ATL1: variants seen among roughly 807,000 people sequenced by gnomAD.
ATL1 encodes atlastin-1.
In ATL1, 31 loss-of-function variants were observed where a neutral mutation model predicts 75.5. The observed-to-expected ratio is 0.41, with a 90% CI of 0.31 to 0.55. The LOEUF (loss-of-function observed/expected upper bound fraction) is 0.55, where lower values mean the gene tolerates loss of function less well. Among genes scored for constraint, ATL1 ranks in the 20% least tolerant of loss-of-function variants. The pLI, the probability that ATL1 is intolerant of heterozygous loss-of-function variation, is 0.27. For synonymous variants in ATL1, 226 were observed against 233.3 expected (o/e 0.97, Z 0.28); for missense variants, 405 against 662.6 (o/e 0.61, Z 4.27).
At chr14:50,575,055 C>T (rs1404427238) in intron 1 of ATL1, among the ~76,000 whole-genome samples, 10 of 148,002 alleles carry the variant, frequency 6.8e-5, no homozygotes, top group Non-Finnish European at 8.9e-5. Context: ...GGAAGGCTAT[C>T]TATTTTAATT....
At chr14:50,604,673 C>T (rs2039300688) in intron 6 of ATL1, among the ~76,000 whole-genome samples, 1 of 151,854 alleles carries the variant, frequency 6.6e-6, no homozygotes, top group South Asian at 2.1e-4. Context: ...TGAGAGTGTC[C>T]AAAATATTTA....
At chr14:50,554,265 C>T (rs1016339237) in intron 1 of ATL1, among the ~76,000 whole-genome samples, 5 of 152,174 alleles carry the variant, frequency 3.3e-5, no homozygotes, top group Admixed American at 3.3e-4. Context: ...TTGACTCATT[C>T]TCAAATTGGT....
intron 1 of ATL1, 84 bp from the exon 2 acceptor site, chr14:50,587,747 G>A (rs1431142328): frequency 1.9e-5 from 29 of 1,563,814 alleles, no homozygotes; most frequent in East Asian, 1.3e-4. Flanking sequence ...CTCCTGTGTC[G>A]GATGTTTGAG....
intron 4 of ATL1, among the ~76,000 whole-genome samples, chr14:50,592,646 T>G (rs924513240): frequency 1.2e-4 from 19 of 152,106 alleles, no homozygotes; most frequent in African/African-American, 4.1e-4. Flanking sequence ...GCACGGTGGC[T>G]CACGCCTGTA....
chr14:50,584,144 G>C (rs2039080517), intron 1 of ATL1, among the ~76,000 whole-genome samples: 1 of 152,112 alleles, frequency 6.6e-6, no homozygotes, highest in East Asian at 1.9e-4. Context: ...GGAGGCCAAG[G>C]CACGTGGATC....
At chr14:50,553,639 G>A (rs923478147) in intron 1 of ATL1, among the ~76,000 whole-genome samples, 2 of 152,138 alleles carry the variant, frequency 1.3e-5, no homozygotes, top group Non-Finnish European at 2.9e-5. Flanking sequence ...ATGTGAAAAA[G>A]ATGAATGCAC....
chr14:50,629,767 T>C (rs2039561298), intron 12 of ATL1, among the ~76,000 whole-genome samples: 1 of 152,096 alleles, frequency 6.6e-6, no homozygotes, highest in Non-Finnish European at 1.5e-5. Flanking sequence ...GGGGTTGAGG[T>C]CAATGTCAAA....
chr14:50,538,005 A>G (rs1174113327), intron 1 of ATL1, among the ~76,000 whole-genome samples: 2 of 152,184 alleles, frequency 1.3e-5, no homozygotes, highest in East Asian at 1.9e-4. Context: ...ACGTGAGGAC[A>G]TGAGATTTGG....
At chr14:50,574,406 G>A (rs2038982045) in intron 1 of ATL1, among the ~76,000 whole-genome samples, 1 of 152,164 alleles carries the variant, frequency 6.6e-6, no homozygotes, top group Non-Finnish European at 1.5e-5. Flanking sequence ...TAGTGCTGTA[G>A]TTTCAGTCTC....
chr14:50,620,595 G>A lies in ATL1; in HGVS notation c.863-4G>A. On this transcript the variant is annotated splice_region_variant and splice_polypyrimidine_tract_variant and intron_variant, in intron 8 of 13. Transcript: ENST00000358385. ...AATAATAATGGATTTGCTTTTACTT[G>A]TAGAAATAGATGATGAATTCATCAA... is the stretch of plus-strand genomic sequence containing the variant. The A allele has an allele frequency of 1.2e-6, 2 of 1,610,560 alleles. No individual in the cohort carries two copies. The highest frequency in any genetic ancestry group is 1.7e-6 in the Non-Finnish European group (2 of 1,177,620).
chr14:50,612,061 G>A (rs190622494), intron 6 of ATL1, among the ~76,000 whole-genome samples: 88 of 152,242 alleles, frequency 5.8e-4, no homozygotes, highest in Middle Eastern at 3.4e-3. Flanking sequence ...GGGAAATTGC[G>A]CAGTAATGAC....
intron 1 of ATL1, 123 bp from the exon 2 acceptor site, chr14:50,587,708 A>G (rs2039115389): frequency 3.7e-6 from 5 of 1,366,924 alleles, no homozygotes; most frequent in Non-Finnish European, 4.1e-6. Context: ...TGCACCCAGC[A>G]TAAAATGAGC....
At chr14:50,598,769 C>T (rs775093896) in intron 6 of ATL1, among the ~76,000 whole-genome samples, 1 of 152,128 alleles carries the variant, frequency 6.6e-6, no homozygotes, top group African/African-American at 2.4e-5. Flanking sequence ...GAGCAAAGCT[C>T]AGTGGAACTA....
intron 1 of ATL1, among the ~76,000 whole-genome samples, chr14:50,579,128 C>T (rs927646989): frequency 3.3e-5 from 5 of 152,134 alleles, no homozygotes; most frequent in Admixed American, 1.3e-4. Context: ...ACTTCTCCTC[C>T]ACCAGGTGTA....
chr14:50,596,178 A>G (rs1435308965), intron 6 of ATL1, among the ~76,000 whole-genome samples: 1 of 152,170 alleles, frequency 6.6e-6, no homozygotes, highest in East Asian at 1.9e-4. Flanking sequence ...AGGAAAATAC[A>G]AGAATTCTAG....
Position 50,567,317 on chromosome 14 carries a change from A to G in ATL1, c.34+7018A>G, listed in dbSNP as rs372119994. 2.6e-4 allele frequency among the ~76,000 whole-genome samples: 39 copies of G among 152,298 alleles called. 4 individuals are homozygous for G. Among genetic ancestry groups the G allele is most frequent in the Admixed American group, 1.8e-3 (28 of 15,298 alleles). ...CAACTTCCTTCTTTTTTAAGGCTGA[A>G]TAGCATTCCGTTGTAAGTATACACC... On this transcript the variant is annotated intron_variant, in intron 1 of 13. Transcript: ENST00000358385.
In ATL1 at chr14:50,631,696, G is replaced by A. The variant is rs77235140; in HGVS notation, c.1567-533G>A. 8.9e-3 allele frequency among the ~76,000 whole-genome samples: 1,349 copies of A among 152,244 alleles called. 14 individuals carry two copies. The highest frequency in any genetic ancestry group is 0.031 in the African/African-American group (1,266 of 41,504). On this transcript the variant is annotated intron_variant, in intron 13 of 13. Transcript: ENST00000358385. ...GTTTGTAAGATATTAGCTAAGTCACGGAAACAAGGCAAGAGCGTGTAAAGT... is the reference window on the plus strand; with the variant it reads ...GTTTGTAAGATATTAGCTAAGTCACAGAAACAAGGCAAGAGCGTGTAAAGT...
chr14:50,604,572 T>G (rs1453821355), intron 6 of ATL1, among the ~76,000 whole-genome samples: 1 of 152,132 alleles, frequency 6.6e-6, no homozygotes, highest in Non-Finnish European at 1.5e-5. Context: ...ATATCCAGTA[T>G]TGTCTCTTTA....
chr14:50,581,846 A>G (rs1407197994), intron 1 of ATL1, among the ~76,000 whole-genome samples: 1 of 152,224 alleles, frequency 6.6e-6, no homozygotes, highest in African/African-American at 2.4e-5. Context: ...ATGCTGTTCA[A>G]ATCTGCATAT....
Sources: allele counts gnomAD v4.1 joint callset (sites outside exome capture counted in the v4.1 genomes callset), GRCh38; gene constraint gnomAD v4.1.1; transcripts MANE v1.5; gene names NCBI Gene and HGNC (gene_info 2026-07-23, HGNC 2026-07-21).